Variants in ZNF536 observed in about 807,000 individuals in gnomAD.
The protein encoded by ZNF536 is zinc finger protein 536.
Under a neutral mutation model 84.5 loss-of-function variants are expected in ZNF536, and 13 were observed. The observed-to-expected ratio is 0.15, with a 90% CI of 0.10 to 0.24. The LOEUF is 0.24. ZNF536 is among the 10% of genes least tolerant of loss of function. The pLI, the probability that ZNF536 is intolerant of heterozygous loss-of-function variation, is 1.00. For missense variants in ZNF536, 1,536 were observed against 1,747.5 expected, an observed-to-expected ratio of 0.88 and a Z score of 2.16; for synonymous variants, 811 against 742.5, an observed-to-expected ratio of 1.09 and a Z score of -1.50.
At chr19:30,365,483 T>G (rs573338651) in intron 3 of ZNF536, among the ~76,000 whole-genome samples, 1 of 152,342 alleles carries the variant, frequency 6.6e-6, no homozygotes, top group Admixed American at 6.5e-5. Context: ...CCACACAGCT[T>G]TGGTGGGGGG....
chr19:30,345,132 G>A (rs2047699285), intron 2 of ZNF536, among the ~76,000 whole-genome samples: 1 of 152,206 alleles, frequency 6.6e-6, no homozygotes, highest in Non-Finnish European at 1.5e-5. Context: ...AACCTTACGT[G>A]GTAGGTACTA....
At chr19:30,664,204 TTCTCTCTCTCTCTC>T (rs71173915) in intron 1 of ZNF536, among the ~76,000 whole-genome samples, 3,726 of 90,606 alleles carry the variant, frequency 0.041, 111 homozygotes, top group East Asian at 0.078. Flanking sequence ...TTGCTGAGTT[TTCTCTCTCTCTCTC>T]TCTCTCTCTC....
chr19:30,516,317 C>A (rs1796410363), intron 2 of ZNF536, among the ~76,000 whole-genome samples: 1 of 152,178 alleles, frequency 6.6e-6, no homozygotes. Flanking sequence ...ACGGACCAGC[C>A]GGCCTGGTGT....
At chr19:30,487,224 G>C (rs59757972) in intron 2 of ZNF536, among the ~76,000 whole-genome samples, 1 of 152,156 alleles carries the variant, frequency 6.6e-6, no homozygotes, top group East Asian at 1.9e-4. Flanking sequence ...AGTTACCTGC[G>C]TGGAAATGTT....
intron 2 of ZNF536, among the ~76,000 whole-genome samples, chr19:30,340,517 G>A (rs1222282081): frequency 6.6e-6 from 1 of 152,144 alleles, no homozygotes; most frequent in Non-Finnish European, 1.5e-5. Context: ...TATCTCAGAG[G>A]CAAACATTCC....
chr19:30,580,889 C>T (rs1295887367), intron 1 of ZNF536, among the ~76,000 whole-genome samples: 1 of 152,176 alleles, frequency 6.6e-6, no homozygotes, highest in Non-Finnish European at 1.5e-5. Flanking sequence ...GAGACTGTGT[C>T]CACAGGAAGT....
chr19:30,559,806 C>A (rs897468015), downstream of ZNF536, among the ~76,000 whole-genome samples: 1 of 152,172 alleles, frequency 6.6e-6, no homozygotes, highest in Non-Finnish European at 1.5e-5. Context: ...CTGCTGTTCT[C>A]TCTTCCTTTC....
intron 1 of ZNF536, among the ~76,000 whole-genome samples, chr19:30,709,965 T>G (rs1474206872): frequency 1.3e-5 from 2 of 152,218 alleles, no homozygotes; most frequent in Non-Finnish European, 2.9e-5. Context: ...TTTTCCATTT[T>G]TTTAATGTTT....
At chr19:30,394,535 G>A (rs184547876) in intron 1 of ZNF536, among the ~76,000 whole-genome samples, 80 of 152,326 alleles carry the variant, frequency 5.3e-4, no homozygotes, top group African/African-American at 1.8e-3. Context: ...CTGCACCAGA[G>A]GAAGCTCCTT....
At chr19:30,596,832 C>A (rs950964603) in intron 1 of ZNF536, among the ~76,000 whole-genome samples, 22 of 150,854 alleles carry the variant, frequency 1.5e-4, no homozygotes, top group Non-Finnish European at 2.8e-4. Flanking sequence ...AGGCAGATTT[C>A]ATCTGCTGCA....
chr19:30,403,231 C>T (rs1246198600), intron 1 of ZNF536, among the ~76,000 whole-genome samples: 1 of 152,140 alleles, frequency 6.6e-6, no homozygotes, highest in Non-Finnish European at 1.5e-5. Context: ...GTAGACAAAC[C>T]GCTGAGCTCA....
chr19:30,596,778 G>A lies in ZNF536; in HGVS notation c.169+47264G>A, dbSNP rs1453911865. On this transcript the variant is annotated intron_variant, in intron 1 of 1. Transcript: ENST00000592773. ...TTTGCGAGTGTGTGTGTGTGTGGGA[G>A]GGGGGTTCTGATGACCACATAGGTT... Among the ~76,000 whole-genome samples the A allele has an allele frequency of 2.0e-5, 3 of 152,046 alleles. No individual in the cohort carries two copies. In the East Asian group the frequency reaches 5.8e-4, roughly 29 times the overall value.
intron 2 of ZNF536, among the ~76,000 whole-genome samples, chr19:30,313,497 G>A (rs1237774092): frequency 3.3e-5 from 5 of 152,000 alleles, no homozygotes; most frequent in Non-Finnish European, 5.9e-5. Context: ...CACCCACTCC[G>A]CACTCTCCAC....
intron 1 of ZNF536, among the ~76,000 whole-genome samples, chr19:30,409,686 G>A (rs77650886): frequency 0.012 from 1,820 of 152,212 alleles, 35 homozygotes; most frequent in African/African-American, 0.042. Flanking sequence ...TACGTCCCCC[G>A]ACCACCACAA....
intron 1 of ZNF536, among the ~76,000 whole-genome samples, chr19:30,686,588 C>T (rs2051193689): frequency 6.6e-6 from 1 of 152,224 alleles, no homozygotes; most frequent in Admixed American, 6.5e-5. Flanking sequence ...TGCTCTTCGT[C>T]CTCCCTCTTA....
chr19:30,324,277 A>G (rs1280289709), intron 2 of ZNF536, among the ~76,000 whole-genome samples: 1 of 152,100 alleles, frequency 6.6e-6, no homozygotes, highest in Non-Finnish European at 1.5e-5. Flanking sequence ...TCAATCATCC[A>G]TCATCAATTT....
intron 1 of ZNF536, among the ~76,000 whole-genome samples, chr19:30,596,905 G>A (rs1319260291): frequency 6.6e-6 from 1 of 151,536 alleles, no homozygotes; most frequent in East Asian, 1.9e-4. Flanking sequence ...TCTTATTACT[G>A]GACTAGCTTC....
intron 1 of ZNF536, among the ~76,000 whole-genome samples, chr19:30,258,318 G>C (rs139311640): frequency 6.6e-6 from 1 of 152,194 alleles, no homozygotes; most frequent in Non-Finnish European, 1.5e-5. Flanking sequence ...CTTGTTAAAC[G>C]TGAGAAAAGT....
rs368243442 is a variant in ZNF536, at chr19:30,535,723, TA to T, written c.2323+735del. Reference sequence around the variant, plus strand: ...GCTTGTTGCTTGCACATTGCCAATATAAAAAAAAAAATCTATCGGAGATATG... The same window carrying T: ...GCTTGTTGCTTGCACATTGCCAATATAAAAAAAAAATCTATCGGAGATATG... On this transcript the variant is annotated intron_variant, in intron 3 of 4. Transcript: ENST00000355537. 7.8e-3 allele frequency among the ~76,000 whole-genome samples: 1,145 copies of T among 146,854 alleles called. 8 individuals are homozygous for T. The highest frequency in any genetic ancestry group is 0.022 in the Middle Eastern group (6 of 272).
Sources: gnomAD v4.1 joint callset for allele counts (sites outside exome capture counted in the v4.1 genomes callset) on GRCh38, gnomAD v4.1.1 for gene constraint, MANE v1.5 for transcripts, NCBI Gene and HGNC (gene_info 2026-07-23, HGNC 2026-07-21) for gene names.